The following AKT3 variants were observed in gnomAD, a reference collection of about 807,000 sequenced individuals.
AKT3 encodes RAC-gamma serine/threonine-protein kinase.
AKT3 carries 15 observed loss-of-function variants against 65.3 expected under a neutral mutation model. That is an observed-to-expected ratio of 0.23 (90% CI 0.15 to 0.35). The LOEUF (loss-of-function observed/expected upper bound fraction) is 0.35. Ranked by LOEUF, AKT3 falls within the 10% of genes least tolerant of loss-of-function variation. AKT3 has a pLI of 1.00. For missense variants in AKT3, 243 were observed against 576.5 expected, an observed-to-expected ratio of 0.42 and a Z score of 5.92; for synonymous variants, 206 against 183.8, an observed-to-expected ratio of 1.12 and a Z score of -0.98.
At chr1:243,549,511 C>T (rs1672896304) in intron 11 of AKT3, among the ~76,000 whole-genome samples, 1 of 152,190 alleles carries the variant, frequency 6.6e-6, no homozygotes, top group Admixed American at 6.5e-5. Context: ...TCACTGCAGT[C>T]TCGACCTCCT....
intron 2 of AKT3, among the ~76,000 whole-genome samples, chr1:243,757,891 G>C (rs926495578): frequency 6.6e-6 from 1 of 151,876 alleles, no homozygotes; most frequent in Non-Finnish European, 1.5e-5. Flanking sequence ...CTCCCGAGTA[G>C]CTGGGACTAC....
At chr1:243,671,884 A>G (rs320320) in intron 3 of AKT3, among the ~76,000 whole-genome samples, 45,615 of 152,088 alleles carry the variant, frequency 0.3, 8,695 homozygotes, top group African/African-American at 0.54. Context: ...CTCAATCCCA[A>G]TCCCATGCTC....
At chr1:243,508,178 G>A (rs1188870319) in intron 13 of AKT3, among the ~76,000 whole-genome samples, 1 of 152,162 alleles carries the variant, frequency 6.6e-6, no homozygotes, top group Non-Finnish European at 1.5e-5. Flanking sequence ...CACCGTTCAA[G>A]GTTTCAGTGA....
intron 2 of AKT3, among the ~76,000 whole-genome samples, chr1:243,836,198 AG>A (rs1273740097): frequency 1.3e-5 from 2 of 152,252 alleles, no homozygotes; most frequent in East Asian, 3.9e-4. Flanking sequence ...ACAGTTGAAA[AG>A]ATACAAGATG....
In AKT3 at chr1:243,723,322, G is replaced by A. The variant is rs554813261; in HGVS notation, c.47-27606C>T. On this transcript the variant is annotated intron_variant, in intron 2 of 13. Transcript: ENST00000673466. Reference sequence around the variant, plus strand: ...ACTATTCAGAAAAAGAAGAAAGAAAGAGCCATACTTTCAAAGCTATTTTCT... The same window carrying A: ...ACTATTCAGAAAAAGAAGAAAGAAAAAGCCATACTTTCAAAGCTATTTTCT... Among the ~76,000 whole-genome samples the A allele has an allele frequency of 2.6e-5, 4 of 152,232 alleles. No homozygotes were observed. In the East Asian group the frequency reaches 7.7e-4, roughly 29 times the overall value.
chr1:243,637,808 A>G (rs1205523303), intron 5 of AKT3, 66 bp from the exon 6 acceptor site: 3 of 1,188,946 alleles, frequency 2.5e-6, no homozygotes, highest in Non-Finnish European at 2.3e-6. Flanking sequence ...TAGCATATAT[A>G]TATGTGTTTG....
intron 2 of AKT3, among the ~76,000 whole-genome samples, chr1:243,772,242 G>C (rs1433387276): frequency 1.3e-5 from 2 of 152,052 alleles, no homozygotes; most frequent in Non-Finnish European, 2.9e-5. Context: ...TACCATCAGA[G>C]TGAACAGGCA....
At chr1:243,623,307 G>T (rs902857318) in intron 6 of AKT3, among the ~76,000 whole-genome samples, 3 of 152,086 alleles carry the variant, frequency 2.0e-5, no homozygotes, top group Non-Finnish European at 2.9e-5. Flanking sequence ...TTCTTTAGTT[G>T]ACAACACTTC....
At chr1:243,642,605 A>G (rs10927050) in intron 5 of AKT3, among the ~76,000 whole-genome samples, 39,500 of 152,000 alleles carry the variant, frequency 0.26, 5,853 homozygotes, top group African/African-American at 0.4. Flanking sequence ...CACCACGCCC[A>G]GCCACAGTAA....
At chr1:243,764,847 C>G (rs893668483) in intron 2 of AKT3, among the ~76,000 whole-genome samples, 13 of 152,090 alleles carry the variant, frequency 8.5e-5, no homozygotes, top group Admixed American at 7.9e-4. Flanking sequence ...ACGTCTGCAT[C>G]AGTCAGATTA....
At chr1:243,697,084 A>G (rs1376101465) in intron 2 of AKT3, among the ~76,000 whole-genome samples, 1 of 152,056 alleles carries the variant, frequency 6.6e-6, no homozygotes, top group Non-Finnish European at 1.5e-5. Flanking sequence ...GAGCACCAAC[A>G]AATTATGTAG....
At chr1:243,559,178 A>C (rs1429271637) in intron 10 of AKT3, among the ~76,000 whole-genome samples, 1 of 152,128 alleles carries the variant, frequency 6.6e-6, no homozygotes, top group East Asian at 1.9e-4. Context: ...AATTTACTAT[A>C]AGTTTATTTC....
intron 13 of AKT3, among the ~76,000 whole-genome samples, chr1:243,493,057 A>G (rs1295580603): frequency 2.0e-5 from 3 of 152,176 alleles, no homozygotes; most frequent in Non-Finnish European, 4.4e-5. Flanking sequence ...CTGAAGCACT[A>G]GCCCAGCTTT....
chr1:243,843,721 T>G (rs1572445267), intron 1 of AKT3: 1 of 322,774 alleles, frequency 3.1e-6, no homozygotes, highest in Non-Finnish European at 4.4e-6. Flanking sequence ...GCGCGATCTC[T>G]GCTCACTGCA....
intron 2 of AKT3, among the ~76,000 whole-genome samples, chr1:243,737,115 C>CA (rs2148163390): frequency 6.6e-6 from 1 of 152,204 alleles, no homozygotes; most frequent in South Asian, 2.1e-4. Context: ...CACAGTGTAC[C>CA]AGGCAACTCT....
intron 2 of AKT3, among the ~76,000 whole-genome samples, chr1:243,755,824 G>GA (rs1483101226): frequency 6.6e-6 from 1 of 152,168 alleles, no homozygotes; most frequent in Non-Finnish European, 1.5e-5. Flanking sequence ...GCTTTGGTGG[G>GA]ATATGGGAAT....
At chr1:243,711,042 CAGG>C (rs1338299637) in intron 2 of AKT3, among the ~76,000 whole-genome samples, 1 of 152,132 alleles carries the variant, frequency 6.6e-6, no homozygotes, top group Admixed American at 6.5e-5. Flanking sequence ...ATCAGCTGGC[CAGG>C]CACAGTGGCT....
At chr1:243,530,963 G>A (rs966284187) in intron 12 of AKT3, among the ~76,000 whole-genome samples, 4 of 152,126 alleles carry the variant, frequency 2.6e-5, no homozygotes, top group Non-Finnish European at 4.4e-5. Flanking sequence ...CAAATCTAAT[G>A]GATGTTAACA....
At chr1:243,800,225 T>G (rs1020371209) in intron 2 of AKT3, among the ~76,000 whole-genome samples, 1 of 152,156 alleles carries the variant, frequency 6.6e-6, no homozygotes. Flanking sequence ...CTTAGACAAG[T>G]TACTTAACTT....
Sources: gnomAD v4.1 joint callset for allele counts (sites outside exome capture counted in the v4.1 genomes callset) on GRCh38, gnomAD v4.1.1 for gene constraint, MANE v1.5 for transcripts, NCBI Gene and HGNC (gene_info 2026-07-23, HGNC 2026-07-21) for gene names.